The following E2F2 variants were observed in gnomAD, a reference collection of about 807,000 sequenced individuals.
E2F2 encodes the protein E2F transcription factor 2, also known as transcription factor E2F2.
Under a neutral mutation model 42.2 loss-of-function variants are expected in E2F2, and 22 were observed. That is an observed-to-expected ratio of 0.52 (90% confidence interval 0.37 to 0.74). E2F2 has a LOEUF of 0.74. E2F2 is among the 30% of genes least tolerant of loss of function. E2F2 has a pLI of 0.00. For synonymous variants in E2F2, 248 were observed against 251.6 expected, an observed-to-expected ratio of 0.99 and a Z score of 0.13; for missense variants, 481 against 557.8, an observed-to-expected ratio of 0.86 and a Z score of 1.39.
intron 6 of E2F2, among the ~76,000 whole-genome samples, chr1:23,513,576 GT>G (rs1291870076): frequency 1.4e-5 from 2 of 144,470 alleles, no homozygotes; most frequent in African/African-American, 5.5e-5. Context: ...GTGTGTGTGT[GT>G]GTGTGTGTGT....
At chr1:23,527,895 G>T (rs537141137) in intron 1 of E2F2, among the ~76,000 whole-genome samples, 49 of 152,364 alleles carry the variant, frequency 3.2e-4, no homozygotes, top group African/African-American at 1.2e-3. Context: ...TGTAATCCCA[G>T]CACTTTGGGA....
At chr1:23,526,479 C>T (rs1440547109) in intron 1 of E2F2, among the ~76,000 whole-genome samples, 1 of 152,066 alleles carries the variant, frequency 6.6e-6, no homozygotes, top group African/African-American at 2.4e-5. Context: ...TGGAGTTCTA[C>T]CTGAGGCAGA....
intron 1 of E2F2, among the ~76,000 whole-genome samples, chr1:23,529,067 AAGAC>A (rs968726178): frequency 4.6e-5 from 7 of 152,042 alleles, no homozygotes; most frequent in African/African-American, 1.7e-4. Flanking sequence ...TAAAAAATAA[AAGAC>A]AGAAGAGCTG....
rs1642876975 is a variant in E2F2, at chr1:23,509,983, G to A, written c.1211C>T (p.Ser404Phe). 1 of 1,613,522 alleles carries A rather than the reference G, an allele frequency of 6.2e-7. No homozygotes were observed. Among genetic ancestry groups the A allele is most frequent in the Non-Finnish European group, 8.5e-7 (1 of 1,179,806 alleles). Residue 404 changes from serine (S) to phenylalanine (F), a missense_variant, in exon 7 of 7, where the codon TCC becomes TTC. Coordinates refer to ENST00000361729, the MANE Select transcript of E2F2 (RefSeq NM_004091.4). ...GTAGTCGTCCTGGTCCAAGGATGGGGAGAAGCTGATCAGAGGGGAGCTGCA... is the reference window on the plus strand; with the variant it reads ...GTAGTCGTCCTGGTCCAAGGATGGGAAGAAGCTGATCAGAGGGGAGCTGCA... ...LACSSPLISF[S>F]PSLDQDDYLW...
chr1:23,512,253 C>T (rs542437268), intron 6 of E2F2, among the ~76,000 whole-genome samples: 2 of 151,968 alleles, frequency 1.3e-5, no homozygotes, highest in Admixed American at 1.3e-4. Flanking sequence ...ACTGGTTTGT[C>T]GGGTCTGCAT....
chr1:23,522,091 A>T, intron 2 of E2F2, 35 bp from the exon 3 acceptor site: 3 of 1,603,020 alleles, frequency 1.9e-6, no homozygotes, highest in Non-Finnish European at 1.7e-6. Flanking sequence ...CAGCTCAGGG[A>T]GGGGAGGGCC....
At position 23,524,449 on chromosome 1, in the gene E2F2, C is replaced by A. The variant is rs374901202; in HGVS notation, c.292G>T (p.Val98Phe). Residue 98 changes from valine (V) to phenylalanine (F), a missense_variant, in exon 2 of 7, where the codon GTC becomes TTC. By Grantham distance (50) the Val-to-Phe change is conservative. Coordinates refer to ENST00000361729, the MANE Select transcript of E2F2 (RefSeq NM_004091.4). ...TTGGGGGTTGGGAACTCAGGGACGA[C>A]GGGCCTCCCAATCCCCTCCAGATCC... is the stretch of plus-strand genomic sequence containing the variant. The part of the protein sequence containing the change: ...KLDLEGIGRP[V>F]VPEFPTPKGK... 6.2e-7 allele frequency: 1 copy of A among 1,613,664 alleles called. No homozygotes were observed. The highest frequency in any genetic ancestry group is 1.3e-5 in the African/African-American group (1 of 74,984).
rs995337400 is a variant in E2F2 at position 23,512,154 on chromosome 1, C to T, written c.1046-2006G>A. On this transcript the variant is annotated intron_variant, in intron 6 of 6. Transcript: ENST00000361729. ...TGGAGGTTGTAGTGAGGCAAGATCA[C>T]GCCACTGCACTCCAGCCTGGGCAAC... Among the ~76,000 whole-genome samples the T allele has an allele frequency of 2.6e-5, 4 of 152,216 alleles. No individual in the cohort carries two copies. The South Asian group carries it at 8.3e-4, about 32-fold the overall frequency.
intron 4 of E2F2, 119 bp downstream of exon 4, chr1:23,520,794 C>G: frequency 9.0e-7 from 1 of 1,108,670 alleles, no homozygotes. Flanking sequence ...GAAAAGCCAC[C>G]CAGGAAGGAA....
chr1:23,530,937 G>A lies in E2F2; in HGVS notation c.-144C>T. 1 of 1,079,776 alleles carries A rather than the reference G, an allele frequency of 9.3e-7. No homozygotes were observed. The allele number at this position is 1,079,776 out of a possible 1,614,324, so 66.9% of individuals were successfully genotyped here. On this transcript the variant is annotated 5_prime_UTR_variant, in exon 1 of 7. Transcript: ENST00000361729. This position sits in a 1 kb window ranked among gnomAD's most constrained non-coding sequence, Gnocchi z 4.4. ...AATGGACGCCTGCGGGGCAAGGCCG[G>A]ACCCTCCCCTCCTGGCCCGCGGCCG...
At chr1:23,523,147 T>C (rs1643183325) in intron 2 of E2F2, among the ~76,000 whole-genome samples, 1 of 141,688 alleles carries the variant, frequency 7.1e-6, no homozygotes, top group Non-Finnish European at 1.5e-5. Flanking sequence ...ACTCCTGCTC[T>C]AACCAGGATT....
rs2124279830 is a variant in E2F2, at chr1:23,531,090, G to A, written c.-297C>T. On this transcript the variant is annotated 5_prime_UTR_variant, in exon 1 of 7. Coordinates refer to ENST00000361729, the MANE Select transcript of E2F2 (RefSeq NM_004091.4). ...ACGCCCCGCGCTCCCCAAGGCCTCG[G>A]CACCTGGGGTCCGGCCGGCTCTGGG... 2 of 337,818 alleles carry A rather than the reference G, an allele frequency of 5.9e-6. No homozygotes were observed. Among genetic ancestry groups the A allele is most frequent in the Middle Eastern group, 7.6e-4 (1 of 1,316 alleles). The allele number at this position is 337,818 out of a possible 1,614,324, so 20.9% of individuals were successfully genotyped here.
In E2F2 at chr1:23,530,686, C is replaced by A; in HGVS notation, c.108G>T (p.Gln36His). The A allele has an allele frequency of 6.2e-7, 1 of 1,612,570 alleles. No homozygotes were observed. The highest frequency in any genetic ancestry group is 8.5e-7 in the Non-Finnish European group (1 of 1,179,530). The change falls in exon 1 of 7, where the codon CAG becomes CAT. Residue 36 changes from glutamine to histidine, a missense_variant. Coordinates refer to ENST00000361729, the MANE Select transcript of E2F2 (RefSeq NM_004091.4). This position sits in a 1 kb window ranked among gnomAD's most constrained non-coding sequence, Gnocchi z 4.4. ...AGTAGGTAGCAGTAGCTGGGCAGAGCTGGGGGCTGCTGAGGCCGGATGGCC... is the reference window on the plus strand; with the variant it reads ...AGTAGGTAGCAGTAGCTGGGCAGAGATGGGGGCTGCTGAGGCCGGATGGCC... ...ELWPSGLSSPQLCPATATYYT... is the reference protein window; with the variant it reads ...ELWPSGLSSPHLCPATATYYT...
rs1467678259 is a variant in E2F2 at position 23,516,483 on chromosome 1, T to C, written c.897A>G (p.Glu299=). 6 of 1,609,924 alleles carry C rather than the reference T, an allele frequency of 3.7e-6. No homozygotes were observed. The highest frequency in any genetic ancestry group is 5.1e-6 in the Non-Finnish European group (6 of 1,178,336). ...IYLKSTQGPI[E]VYLCPEEVQE... The stretch of plus-strand genomic sequence containing the variant: ...GCACCTCCTCTGGGCACAGGTAGAC[T>C]TCGATGGGCCCTTGGGTGCTCTTGA... Residue 299 remains glutamate (E), a synonymous_variant, in exon 6 of 7, where the codon GAA becomes GAG. Coordinates refer to ENST00000361729, the MANE Select transcript of E2F2 (RefSeq NM_004091.4).
At chr1:23,522,528 C>A (rs1307949702) in intron 2 of E2F2, among the ~76,000 whole-genome samples, 1 of 145,330 alleles carries the variant, frequency 6.9e-6, no homozygotes, top group East Asian at 2.2e-4. Context: ...AATTCAAATC[C>A]AGGCAGTCTG....
intron 5 of E2F2, 33 bp downstream of exon 5, chr1:23,518,983 A>C: frequency 6.3e-7 from 1 of 1,590,626 alleles, no homozygotes; most frequent in Non-Finnish European, 8.6e-7. Context: ...CAGGGTCTCA[A>C]CCCTGCTCTC....
Position 23,521,866 on chromosome 1 carries a change from G to A in E2F2, c.549C>T (p.Arg183=). 3 of 1,614,054 alleles carry A rather than the reference G, an allele frequency of 1.9e-6. No individual in the cohort carries two copies. Among genetic ancestry groups the A allele is most frequent in the South Asian group, 2.2e-5 (2 of 91,076 alleles). Residue 183 remains arginine (R), a synonymous_variant, in exon 3 of 7, where the codon CGC becomes CGT. Coordinates refer to ENST00000361729, the MANE Select transcript of E2F2 (RefSeq NM_004091.4). The part of the protein sequence containing the change: ...TNVLEGIQLI[R]KKAKNNIQWV... Reference sequence around the variant, plus strand: ...ACTGGATGTTGTTCTTGGCCTTCTTGCGGATGAGCTGGATGCCTTCCAGCA... The same window carrying A: ...ACTGGATGTTGTTCTTGGCCTTCTTACGGATGAGCTGGATGCCTTCCAGCA...
chr1:23,522,011 C>A lies in E2F2; in HGVS notation c.404G>T (p.Gly135Val). ...GEKTRYDTSL[G>V]LLTKKFIYLL... ...GTAAATGAACTTCTTGGTGAGCAGCCCCAGCGAAGTGTCATACCGAGTCTT... is the reference window on the plus strand; with the variant it reads ...GTAAATGAACTTCTTGGTGAGCAGCACCAGCGAAGTGTCATACCGAGTCTT... The change falls in exon 3 of 7, where the codon GGG becomes GTG. Residue 135 changes from glycine (G) to valine (V), a missense_variant. Coordinates refer to ENST00000361729, the MANE Select transcript of E2F2 (RefSeq NM_004091.4). The A allele has an allele frequency of 1.9e-6, 3 of 1,614,156 alleles. No homozygotes were observed. Among genetic ancestry groups the A allele is most frequent in the Non-Finnish European group, 2.5e-6 (3 of 1,180,034 alleles).
Position 23,520,906 on chromosome 1 carries a change from A to G in E2F2, c.737+7T>C, listed in dbSNP as rs1643130209. 1 of 1,564,130 alleles carries G rather than the reference A, an allele frequency of 6.4e-7. No individual in the cohort carries two copies. The highest frequency in any genetic ancestry group is 1.9e-5 in the Admixed American group (1 of 52,702). On this transcript the variant is annotated splice_region_variant and intron_variant, in intron 4 of 6. Coordinates refer to ENST00000361729, the MANE Select transcript of E2F2 (RefSeq NM_004091.4). The stretch of plus-strand genomic sequence containing the variant: ...CCCTGACACCTTCCCCCAACCAAGG[A>G]GGATATCTCTTGTTGGCCTTGTCCT...
Sources: allele counts gnomAD v4.1 joint callset (sites outside exome capture counted in the v4.1 genomes callset), GRCh38; gene constraint gnomAD v4.1.1; non-coding constraint Gnocchi (gnomAD v3.1); transcripts MANE v1.5; gene names NCBI Gene and HGNC (gene_info 2026-07-23, HGNC 2026-07-21).